The following SNX29 variants were observed in gnomAD, a reference collection of about 807,000 sequenced individuals.
The protein encoded by SNX29 is sorting nexin 29, also known as sorting nexin-29.
Under a neutral mutation model 102.1 loss-of-function variants are expected in SNX29, and 78 were observed. That is an observed-to-expected ratio of 0.76 (90% confidence interval 0.64 to 0.92). SNX29 has a LOEUF of 0.92. Ranked by LOEUF, SNX29 falls within the 40% of genes least tolerant of loss-of-function variation. SNX29 has a pLI of 0.00. For missense variants in SNX29, 1,280 were observed against 1,061.7 expected, an observed-to-expected ratio of 1.21 and a Z score of -2.86; for synonymous variants, 580 against 414.5, an observed-to-expected ratio of 1.40 and a Z score of -4.85.
At chr16:12,015,303 T>C (rs1015987163) in intron 3 of SNX29, among the ~76,000 whole-genome samples, 11 of 152,036 alleles carry the variant, frequency 7.2e-5, no homozygotes, top group Non-Finnish European at 1.5e-5. Flanking sequence ...ATTGGAGTGC[T>C]GTAGTGCGAT....
chr16:12,337,127 A>T (rs1343327108), intron 15 of SNX29, among the ~76,000 whole-genome samples: 1 of 152,188 alleles, frequency 6.6e-6, no homozygotes, highest in Non-Finnish European at 1.5e-5. Context: ...GTTTGCATAA[A>T]GCATGTCACC....
At position 12,148,003 on chromosome 16, in the gene SNX29, C is replaced by G. The variant is rs563863870; in HGVS notation, c.1595+18245C>G. Among the ~76,000 whole-genome samples the G allele has an allele frequency of 1.2e-4, 19 of 152,324 alleles. 1 individual carries two copies. The South Asian group carries it at 3.7e-3, about 30-fold the overall frequency. On this transcript the variant is annotated intron_variant, in intron 13 of 20. Transcript: ENST00000566228. The stretch of plus-strand genomic sequence containing the variant: ...ACAACTGTCAAGGCTAGTGACTGAG[C>G]AAACCAGAGTTCGCTGAATTCGTAC...
At position 12,061,643 on chromosome 16, in the gene SNX29, G is replaced by A; in HGVS notation, c.1240G>A (p.Ala414Thr). The change falls in exon 9 of 21, where the codon GCA becomes ACA. Residue 414 changes from alanine to threonine, a missense_variant. Coordinates refer to ENST00000566228, the MANE Select transcript of SNX29 (RefSeq NM_032167.5). ...CAGTGGCGTGGGCTCCTACAGCCCA[G>A]CAGGTGGGTGTCTCCCGATTACTCC... ...PVSGVGSYSP[A>T]DAPLGSLENG... 6.2e-6 allele frequency: 10 copies of A among 1,609,174 alleles called. No homozygotes were observed. The highest frequency in any genetic ancestry group is 8.5e-6 in the Non-Finnish European group (10 of 1,177,796).
chr16:12,417,814 G>A (rs2084704627), intron 18 of SNX29, among the ~76,000 whole-genome samples: 1 of 151,816 alleles, frequency 6.6e-6, no homozygotes, highest in African/African-American at 2.4e-5. Flanking sequence ...CCTTGATGTG[G>A]AGAGGAAATT....
chr16:12,315,094 A>G (rs16959190), intron 15 of SNX29, among the ~76,000 whole-genome samples: 4,593 of 152,230 alleles, frequency 0.03, 225 homozygotes, highest in African/African-American at 0.11. Context: ...CTCTGGTTTC[A>G]TCCTCTGGAA....
intron 16 of SNX29, among the ~76,000 whole-genome samples, chr16:12,379,101 G>A (rs2082982990): frequency 6.6e-6 from 1 of 152,138 alleles, no homozygotes; most frequent in Admixed American, 6.5e-5. Flanking sequence ...CTCCACTCCT[G>A]TTTCCTGCCC....
At chr16:12,127,843 C>T (rs1450757155) in intron 12 of SNX29, among the ~76,000 whole-genome samples, 5 of 152,192 alleles carry the variant, frequency 3.3e-5, no homozygotes, top group African/African-American at 9.6e-5. Flanking sequence ...GAAATTCTGG[C>T]TCCCATCTGA....
intron 14 of SNX29, among the ~76,000 whole-genome samples, chr16:12,205,267 A>G (rs1156561321): frequency 6.6e-6 from 1 of 152,158 alleles, no homozygotes; most frequent in African/African-American, 2.4e-5. Context: ...CACAGAGGCA[A>G]AGATGTCTCG....
intron 15 of SNX29, among the ~76,000 whole-genome samples, chr16:12,295,030 C>T (rs774213079): frequency 6.6e-6 from 1 of 152,176 alleles, no homozygotes; most frequent in Non-Finnish European, 1.5e-5. Context: ...GGATTTCTCC[C>T]TATAAAACCA....
rs140139254 is a variant in SNX29, at chr16:12,157,781, A to G, written c.1595+28023A>G. ...TGAGTGGTGCCCTATTCCCTACACT[A>G]TGAAGTGGAGACAGTGTGCAGGGCC... is the stretch of plus-strand genomic sequence containing the variant. On this transcript the variant is annotated intron_variant, in intron 13 of 20. Coordinates refer to ENST00000566228, the MANE Select transcript of SNX29 (RefSeq NM_032167.5). Among the ~76,000 whole-genome samples the G allele has an allele frequency of 2.4e-3, 369 of 152,200 alleles. 1 individual carries two copies. Among genetic ancestry groups the G allele is most frequent in the African/African-American group, 8.4e-3 (350 of 41,540 alleles).
rs190833544 is a variant in SNX29, at chr16:12,500,792, A to C, written c.2178+22933A>C. Among the ~76,000 whole-genome samples the C allele has an allele frequency of 6.1e-4, 93 of 152,314 alleles. 1 individual carries two copies. The highest frequency in any genetic ancestry group is 3.7e-3 in the Admixed American group (56 of 15,304). ...ACAGGCCCCCAGGTGGGTTGCATAC[A>C]CAAGCAAGTTTGAGAAGCACTGTTG... On this transcript the variant is annotated intron_variant, in intron 19 of 20. Transcript: ENST00000566228.
chr16:12,397,853 TGTGGGGTCAGGACCCCTAAGCA>T (rs1344265440), intron 16 of SNX29, among the ~76,000 whole-genome samples: 14 of 152,152 alleles, frequency 9.2e-5, no homozygotes, highest in Non-Finnish European at 2.9e-5. Context: ...ACCTCCACAG[TGTGGGGTCAGGACCCCTAAGCA>T]GTACTGGTGG....
chr16:12,572,919 AGT>A lies in SNX29; in HGVS notation c.*4293_*4294del, dbSNP rs2079218582. ...TCGCTCGGAATCACGGCAGACTTGG[AGT>A]GTTTCTTCAAGGCAGGCATCTGCTT... is the stretch of plus-strand genomic sequence containing the variant. On this transcript the variant is annotated 3_prime_UTR_variant, in exon 21 of 21. Transcript: ENST00000566228. 27 of 978,014 alleles carry A rather than the reference AGT, an allele frequency of 2.8e-5. No homozygotes were observed. Among genetic ancestry groups the A allele is most frequent in the African/African-American group, 5.1e-5 (3 of 58,886 alleles). The allele number at this position is 978,014 out of a possible 1,614,324, so 60.6% of individuals were successfully genotyped here. A position where few individuals can be genotyped will look rare whatever the true frequency, so the allele number is the denominator to read the frequency against.
intron 1 of SNX29, among the ~76,000 whole-genome samples, chr16:11,986,074 G>C (rs2055612407): frequency 6.6e-6 from 1 of 152,018 alleles, no homozygotes; most frequent in African/African-American, 2.4e-5. Flanking sequence ...CAGCGTGCTG[G>C]GATGACAGGT....
intron 19 of SNX29, among the ~76,000 whole-genome samples, chr16:12,485,463 G>C (rs1199822185): frequency 6.6e-6 from 1 of 152,194 alleles, no homozygotes; most frequent in East Asian, 1.9e-4. Flanking sequence ...TCAACTTGTT[G>C]GAGAAATTAT....
chr16:12,044,140 G>C (rs999543406), intron 5 of SNX29, among the ~76,000 whole-genome samples: 1 of 152,192 alleles, frequency 6.6e-6, no homozygotes, highest in Non-Finnish European at 1.5e-5. Flanking sequence ...GACGAATCCT[G>C]TTCTGGTTCC....
chr16:12,362,496 A>G (rs1156919075), intron 16 of SNX29, among the ~76,000 whole-genome samples: 2 of 137,426 alleles, frequency 1.5e-5, no homozygotes, highest in African/African-American at 5.4e-5. Context: ...CAAATTAAGT[A>G]TTTTCCCTTT....
Position 12,051,997 on chromosome 16 carries a change from C to G in SNX29, c.899C>G (p.Ser300Cys), listed in dbSNP as rs764997045. The G allele has an allele frequency of 6.2e-7, 1 of 1,613,964 alleles. No homozygotes were observed. Among genetic ancestry groups the G allele is most frequent in the South Asian group, 1.1e-5 (1 of 91,078 alleles). ...TCAGAGGACAACTCCGACCGCTCCT[C>G]TGTCAATATCATGTCCGCCTTTGAA... ...ESSEDNSDRS[S>C]VNIMSAFESP... The change falls in exon 8 of 21, where the codon TCT becomes TGT. Residue 300 changes from serine to cysteine, a missense_variant. Coordinates refer to ENST00000566228, the MANE Select transcript of SNX29 (RefSeq NM_032167.5).
At chr16:11,993,191 A>AAATAAATAAATT (rs1262049940) in intron 1 of SNX29, among the ~76,000 whole-genome samples, 1 of 151,774 alleles carries the variant, frequency 6.6e-6, no homozygotes, top group Non-Finnish European at 1.5e-5. Flanking sequence ...ATAAATAAAT[A>AAATAAATAAATT]AATAAATATC....
Sources: allele counts gnomAD v4.1 joint callset (sites outside exome capture counted in the v4.1 genomes callset), GRCh38; gene constraint gnomAD v4.1.1; transcripts MANE v1.5; gene names NCBI Gene and HGNC (gene_info 2026-07-23, HGNC 2026-07-21).